TUBA1C: variants seen among roughly 807,000 people sequenced by gnomAD.
TUBA1C encodes the protein tubulin alpha-1C chain.
In TUBA1C, 16 loss-of-function variants were observed where a neutral mutation model predicts 34.9. The ratio of observed to expected loss-of-function variants is 0.46; its 90% CI spans 0.31 to 0.70. The LOEUF is 0.70. Among genes scored for constraint, TUBA1C ranks in the 30% least tolerant of loss-of-function variants. The pLI is 0.05. For missense variants in TUBA1C, 329 were observed against 587.3 expected (o/e 0.56, Z 4.55); for synonymous variants, 177 against 215.9 (o/e 0.82, Z 1.58).
intron 1 of TUBA1C, among the ~76,000 whole-genome samples, chr12:49,234,730 C>T (rs919855018): frequency 2.6e-5 from 4 of 152,270 alleles, no homozygotes; most frequent in African/African-American, 9.6e-5. Context: ...TCACATATCG[C>T]TGTCCGCGAA....
chr12:49,258,061 T>C (rs1309818060), intron 1 of TUBA1C: 1 of 153,112 alleles, frequency 6.5e-6, no homozygotes, highest in Non-Finnish European at 1.5e-5. Context: ...GGTCTCACCA[T>C]GTTGGCCAGG....
chr12:49,265,010 T>C, upstream of TUBA1C: 1 of 977,336 alleles, frequency 1.0e-6, no homozygotes, highest in South Asian at 4.7e-5. Flanking sequence ...CGGGGCGGGG[T>C]CTGGGGCCCG....
At position 49,272,803 on chromosome 12, in the gene TUBA1C, A is replaced by T; in HGVS notation, c.926A>T (p.His309Leu). The T allele has an allele frequency of 6.2e-7, 1 of 1,614,096 alleles. No homozygotes were observed. Among genetic ancestry groups the T allele is most frequent in the Non-Finnish European group, 8.5e-7 (1 of 1,180,026 alleles). Reference protein sequence around the residue: ...ANQMVKCDPRHGKYMACCLLY... With the variant: ...ANQMVKCDPRLGKYMACCLLY... ...CAGATGGTGAAATGTGACCCTCGCCATGGTAAATACATGGCTTGCTGCCTG... is the reference window on the plus strand; with the variant it reads ...CAGATGGTGAAATGTGACCCTCGCCTTGGTAAATACATGGCTTGCTGCCTG... The change falls in exon 4 of 4, where the codon CAT becomes CTT. Residue 309 changes from histidine (H) to leucine (L), a missense_variant. His to Leu is a moderately conservative substitution (Grantham distance 99). Around this residue, in one of 4 missense-constraint regions of TUBA1C, gnomAD observed 140 missense variants for 289.8 expected, o/e 0.48. Transcript: ENST00000301072.
At chr12:49,269,364 G>T in intron 1 of TUBA1C, 101 bp from the exon 2 acceptor site, 2 of 1,556,466 alleles carry the variant, frequency 1.3e-6, no homozygotes, top group Non-Finnish European at 1.7e-6. Flanking sequence ...CGCCCAGCCA[G>T]TTATCTGTCT....
chr12:49,251,541 G>A (rs1427157050), intron 1 of TUBA1C, among the ~76,000 whole-genome samples: 5 of 152,112 alleles, frequency 3.3e-5, no homozygotes, highest in Admixed American at 6.6e-5. Flanking sequence ...TTGGGAGGCC[G>A]AGATGGATGG....
intron 1 of TUBA1C, among the ~76,000 whole-genome samples, chr12:49,269,025 A>G (rs1280120366): frequency 6.6e-6 from 1 of 152,160 alleles, no homozygotes; most frequent in Non-Finnish European, 1.5e-5. Context: ...TTGCTTTTGA[A>G]ATTATAGTCC....
chr12:49,231,679 AGAT>A (rs1402800145), intron 1 of TUBA1C, among the ~76,000 whole-genome samples: 3 of 151,972 alleles, frequency 2.0e-5, no homozygotes, highest in Non-Finnish European at 4.4e-5. Flanking sequence ...TAAAAAAAAT[AGAT>A]GATAGATAGA....
chr12:49,271,895 A>G (rs1942995927), intron 3 of TUBA1C, among the ~76,000 whole-genome samples: 2 of 152,224 alleles, frequency 1.3e-5, no homozygotes. Context: ...TTCATCTTAA[A>G]ATAGTCTTAG....
At chr12:49,236,361 C>G (rs1942555210) in intron 1 of TUBA1C, among the ~76,000 whole-genome samples, 1 of 152,160 alleles carries the variant, frequency 6.6e-6, no homozygotes, top group African/African-American at 2.4e-5. Context: ...TTGCAGTTGG[C>G]CCACCCACCC....
chr12:49,237,580 T>C (rs1942569534), intron 1 of TUBA1C, among the ~76,000 whole-genome samples: 1 of 151,140 alleles, frequency 6.6e-6, no homozygotes, highest in Non-Finnish European at 1.5e-5. Context: ...CCTGTCTCTA[T>C]TAAAAGTTTT....
chr12:49,273,030 G>T lies in TUBA1C; in HGVS notation c.1153G>T (p.Ala385Ser). The T allele has an allele frequency of 3.1e-6, 5 of 1,614,240 alleles. No homozygotes were observed. Among genetic ancestry groups the T allele is most frequent in the Non-Finnish European group, 4.2e-6 (5 of 1,180,048 alleles). ...VCMLSNTTAV[A>S]EAWARLDHKF... ...CATGCTGAGCAATACCACAGCTGTTGCCGAGGCCTGGGCTCGCCTGGACCA... is the reference window on the plus strand; with the variant it reads ...CATGCTGAGCAATACCACAGCTGTTTCCGAGGCCTGGGCTCGCCTGGACCA... The change falls in exon 4 of 4, where the codon GCC becomes TCC. Residue 385 changes from alanine to serine, a missense_variant. By Grantham distance (99) the Ala-to-Ser change is moderately conservative (BLOSUM62 1). Coordinates refer to ENST00000301072, the MANE Select transcript of TUBA1C (RefSeq NM_032704.5).
chr12:49,260,380 G>A (rs1401106070), upstream of TUBA1C, among the ~76,000 whole-genome samples: 1 of 152,114 alleles, frequency 6.6e-6, no homozygotes, highest in Non-Finnish European at 1.5e-5. Context: ...AAGCAGATCA[G>A]AACAAGCCAA....
At position 49,250,067 on chromosome 12, in the gene TUBA1C, G is replaced by T. The variant is rs559837653; in HGVS notation, c.214-19398G>T. Among the ~76,000 whole-genome samples, 38 of 151,732 alleles carry T rather than the reference G, an allele frequency of 2.5e-4. No individual in the cohort carries two copies. The East Asian group carries it at 7.0e-3, about 28-fold the overall frequency. ...ACAAAAATTAGCCAGGTGTGGTGGC[G>T]GGTGCCTGTAATCCCAGTTACTCAG... is the stretch of plus-strand genomic sequence containing the variant. On this transcript the variant is annotated intron_variant, in intron 1 of 3. Transcript: ENST00000541364.
chr12:49,236,754 G>A (rs2136989492), intron 1 of TUBA1C, among the ~76,000 whole-genome samples: 1 of 152,258 alleles, frequency 6.6e-6, no homozygotes, highest in East Asian at 1.9e-4. Context: ...ATTGCTCCTA[G>A]GCTTCAAAAC....
intron 1 of TUBA1C, among the ~76,000 whole-genome samples, chr12:49,241,695 G>A (rs548127689): frequency 7.6e-5 from 11 of 144,268 alleles, no homozygotes; most frequent in African/African-American, 2.8e-4. Flanking sequence ...CTGCCCCCAG[G>A]CTGGAGTGCA....
intron 1 of TUBA1C, among the ~76,000 whole-genome samples, chr12:49,259,196 T>C (rs1236097311): frequency 1.3e-5 from 2 of 152,156 alleles, no homozygotes; most frequent in Non-Finnish European, 2.9e-5. Flanking sequence ...TTTTATACCA[T>C]ATTTTTACCA....
At chr12:49,232,457 C>A (rs1245767650) in intron 1 of TUBA1C, among the ~76,000 whole-genome samples, 4 of 151,768 alleles carry the variant, frequency 2.6e-5, no homozygotes, top group Admixed American at 2.6e-4. Flanking sequence ...GCCCAGGCAG[C>A]AGATGCTCCA....
intron 1 of TUBA1C, among the ~76,000 whole-genome samples, chr12:49,231,502 T>C (rs1049958751): frequency 5.9e-5 from 9 of 152,180 alleles, no homozygotes; most frequent in African/African-American, 2.2e-4. Flanking sequence ...ACTGCATGTG[T>C]AATACCTTGC....
chr12:49,251,638 G>GT (rs1332222260), intron 1 of TUBA1C, among the ~76,000 whole-genome samples: 3 of 152,008 alleles, frequency 2.0e-5, no homozygotes, highest in African/African-American at 7.2e-5. Context: ...CAGCTGGGTG[G>GT]TGGCAGGCAC....
Sources: gnomAD v4.1 joint callset for allele counts (sites outside exome capture counted in the v4.1 genomes callset) on GRCh38, gnomAD v4.1.1 for gene constraint, gnomAD v4.1.1 regional missense constraint, MANE v1.5 for transcripts, NCBI Gene and HGNC (gene_info 2026-07-23, HGNC 2026-07-21) for gene names.